Variants in FSTL4 observed in about 807,000 individuals in gnomAD.
The protein encoded by FSTL4 is follistatin like 4.
Under a neutral mutation model 78.2 loss-of-function variants are expected in FSTL4, and 28 were observed. The ratio of observed to expected loss-of-function variants is 0.36; its 90% CI spans 0.27 to 0.49. FSTL4 has a LOEUF of 0.49. Ranked by LOEUF, FSTL4 falls within the 20% of genes least tolerant of loss-of-function variation. The pLI is 0.98. For missense variants in FSTL4, 922 were observed against 1,084.9 expected (o/e 0.85, Z 2.11); for synonymous variants, 422 against 440.5 (o/e 0.96, Z 0.53).
At chr5:133,220,939 A>C (rs769674865) in intron 11 of FSTL4, 73 bp from the exon 12 acceptor site, 2 of 874,902 alleles carry the variant, frequency 2.3e-6, no homozygotes. Context: ...GCAGCATTGA[A>C]CACACAAGAA....
the FSTL4 span, among the ~76,000 whole-genome samples, chr5:133,839,696 C>T: frequency 3.9e-5 from 6 of 152,202 alleles, no homozygotes; most frequent in African/African-American, 9.6e-5. Context: ...CTCAAATTGC[C>T]TTATGGGAGC....
chr5:133,347,266 G>A (rs895438026), intron 4 of FSTL4, among the ~76,000 whole-genome samples: 2 of 152,194 alleles, frequency 1.3e-5, no homozygotes, highest in African/African-American at 4.8e-5. Context: ...TCTGTCGGGA[G>A]GTGTGTCACA....
At chr5:133,557,277 C>T (rs916590806) in intron 3 of FSTL4, among the ~76,000 whole-genome samples, 3 of 152,342 alleles carry the variant, frequency 2.0e-5, no homozygotes, top group Middle Eastern at 3.4e-3. Context: ...GCACCTCCCC[C>T]CTGAAACGCT....
At position 133,199,741 on chromosome 5, in the gene FSTL4, G is replaced by A. The variant is rs147873655; in HGVS notation, c.1883C>T (p.Thr628Ile). 6.3e-7 allele frequency: 1 copy of A among 1,599,774 alleles called. No individual in the cohort carries two copies. The highest frequency in any genetic ancestry group is 1.8e-5 in the Admixed American group (1 of 56,960). The part of the protein sequence containing the change: ...DPAVHKVDLE[T>I]MMPLKTIGLH... ...GCCGATGGTCTTGAGGGGCATCATT[G>A]TTTCCAGGTCCACCTTGTGGACTGC... Residue 628 changes from threonine to isoleucine, a missense_variant, in exon 16 of 16, where the codon ACA becomes ATA. Coordinates refer to ENST00000265342, the MANE Select transcript of FSTL4 (RefSeq NM_015082.2). The surrounding 1 kb of genome is among the most constrained non-coding windows in gnomAD (Gnocchi z 4.4).
At chr5:133,461,636 A>AG (rs1757595430) in intron 3 of FSTL4, among the ~76,000 whole-genome samples, 1 of 152,182 alleles carries the variant, frequency 6.6e-6, no homozygotes, top group Non-Finnish European at 1.5e-5. Context: ...CTGACTGGAC[A>AG]TATCTGGGGC....
At chr5:133,741,455 T>C in the FSTL4 span, among the ~76,000 whole-genome samples, 122 of 152,314 alleles carry the variant, frequency 8.0e-4, no homozygotes, top group African/African-American at 2.7e-3. Context: ...TGTCTCCCCA[T>C]GCAAGAGTGC....
At position 133,591,079 on chromosome 5, in the gene FSTL4, C is replaced by A. The variant is rs1262151443; in HGVS notation, c.126+12779G>T. On this transcript the variant is annotated intron_variant, in intron 2 of 15. Coordinates refer to ENST00000265342, the MANE Select transcript of FSTL4 (RefSeq NM_015082.2). ...CATTCCAACCATAGTACCCCAGGAGCCAAGGGCACTGGCACCAGGATGGAG... is the reference window on the plus strand; with the variant it reads ...CATTCCAACCATAGTACCCCAGGAGACAAGGGCACTGGCACCAGGATGGAG... Among the ~76,000 whole-genome samples, 3 of 152,154 alleles carry A rather than the reference C, an allele frequency of 2.0e-5. No individual in the cohort carries two copies. In the East Asian group the frequency reaches 5.8e-4, roughly 29 times the overall value.
chr5:133,504,944 G>GT (rs1291265653), intron 3 of FSTL4, among the ~76,000 whole-genome samples: 7 of 152,224 alleles, frequency 4.6e-5, no homozygotes, highest in African/African-American at 1.4e-4. Flanking sequence ...CAGGACTCCT[G>GT]TAAGAGACTG....
At chr5:133,750,246 C>A in the FSTL4 span, among the ~76,000 whole-genome samples, 4 of 152,190 alleles carry the variant, frequency 2.6e-5, no homozygotes, top group African/African-American at 9.7e-5. Context: ...GACCTACTAT[C>A]TACGAAATCC....
the FSTL4 span, among the ~76,000 whole-genome samples, chr5:133,779,335 T>G: frequency 4.6e-5 from 7 of 152,120 alleles, no homozygotes; most frequent in Non-Finnish European, 7.4e-5. Flanking sequence ...ACTTGTAATC[T>G]CAGCACTTTG....
At chr5:133,821,037 G>T in the FSTL4 span, among the ~76,000 whole-genome samples, 1 of 152,214 alleles carries the variant, frequency 6.6e-6, no homozygotes, top group African/African-American at 2.4e-5. Context: ...CTGAAAACTT[G>T]TTATAATGTA....
chr5:133,700,642 A>G, the FSTL4 span, among the ~76,000 whole-genome samples: 1 of 152,256 alleles, frequency 6.6e-6, no homozygotes, highest in Non-Finnish European at 1.5e-5. Flanking sequence ...TACTGCAAAC[A>G]GCCCCCAAGG....
chr5:133,283,040 G>A (rs1440528070), intron 6 of FSTL4, among the ~76,000 whole-genome samples: 1 of 146,278 alleles, frequency 6.8e-6, no homozygotes, highest in Admixed American at 6.7e-5. Context: ...GCCCTGGGCT[G>A]GAGGAGATGT....
At chr5:133,539,410 G>C (rs1209450757) in intron 3 of FSTL4, among the ~76,000 whole-genome samples, 2 of 152,098 alleles carry the variant, frequency 1.3e-5, no homozygotes, top group African/African-American at 4.8e-5. Flanking sequence ...TCTCATGTGA[G>C]GTTCCTAGGA....
chr5:133,242,679 G>C (rs1276153130), intron 7 of FSTL4, among the ~76,000 whole-genome samples: 3 of 152,114 alleles, frequency 2.0e-5, no homozygotes, highest in Non-Finnish European at 4.4e-5. Context: ...CCATATCTTG[G>C]AGATCTCTGG....
chr5:133,702,060 T>C, the FSTL4 span, among the ~76,000 whole-genome samples: 3 of 152,208 alleles, frequency 2.0e-5, no homozygotes, highest in African/African-American at 7.2e-5. Flanking sequence ...CTCCAGCTTT[T>C]GTACAGATTC....
the FSTL4 span, among the ~76,000 whole-genome samples, chr5:133,834,379 C>CA: frequency 1.3e-5 from 2 of 149,922 alleles, no homozygotes; most frequent in Non-Finnish European, 3.0e-5. Context: ...TTTCTAATGA[C>CA]AAAAAAAATT....
the FSTL4 span, among the ~76,000 whole-genome samples, chr5:133,732,804 C>A: frequency 6.6e-6 from 1 of 152,172 alleles, no homozygotes; most frequent in Non-Finnish European, 1.5e-5. Flanking sequence ...GCTCTCCATC[C>A]CCACTTCCAG....
chr5:133,658,481 T>C, the FSTL4 span, among the ~76,000 whole-genome samples: 3 of 152,136 alleles, frequency 2.0e-5, no homozygotes, highest in African/African-American at 7.2e-5. Flanking sequence ...TTTCCAGAAC[T>C]TTATCTAGTT....
Sources: allele counts gnomAD v4.1 joint callset (sites outside exome capture counted in the v4.1 genomes callset), GRCh38; gene constraint gnomAD v4.1.1; non-coding constraint Gnocchi (gnomAD v3.1); transcripts MANE v1.5; gene names NCBI Gene and HGNC (gene_info 2026-07-23, HGNC 2026-07-21).